GPR39: variants seen among roughly 807,000 people sequenced by gnomAD.
GPR39 encodes the protein zinc sensing receptor.
Under a neutral mutation model 18.4 loss-of-function variants are expected in GPR39, and 23 were observed. The observed-to-expected ratio is 1.25, with a 90% CI of 0.90 to 1.77. GPR39 has a LOEUF of 1.77. Ranked by LOEUF, GPR39 falls within the 40% of genes most tolerant of loss-of-function variation. The probability of loss-of-function intolerance (pLI) is 0.00; values close to 1 mark genes in which losing one functional copy is unlikely to be tolerated. For missense variants in GPR39, 647 were observed against 602.4 expected (o/e 1.07, Z -0.78); for synonymous variants, 280 against 257.9 (o/e 1.09, Z -0.82).
chr2:132,622,624 G>A (rs376139422), intron 1 of GPR39, among the ~76,000 whole-genome samples: 6 of 152,330 alleles, frequency 3.9e-5, no homozygotes, highest in East Asian at 1.9e-4. Flanking sequence ...TGGATACCGC[G>A]AAGCAGAAGC....
rs768106037 is a variant in GPR39, at chr2:132,417,105, C to T, written c.63C>T (p.Pro21=). ...CSQIIDHSHV[P]EFEVATWIKI... is the part of the protein sequence containing the mutation. ...AAATCATTGATCACAGTCATGTCCC[C>T]GAGTTTGAGGTGGCCACCTGGATCA... The change falls in exon 1 of 2, where the codon CCC becomes CCT. Residue 21 remains proline, a synonymous_variant. Coordinates refer to ENST00000329321, the MANE Select transcript of GPR39 (RefSeq NM_001508.3). 51 of 1,614,010 alleles carry T rather than the reference C, an allele frequency of 3.2e-5. No homozygotes were observed. Among genetic ancestry groups the T allele is most frequent in the Admixed American group, 6.7e-5 (4 of 59,996 alleles).
chr2:132,641,635 C>T (rs1468671415), intron 1 of GPR39, among the ~76,000 whole-genome samples: 4 of 152,150 alleles, frequency 2.6e-5, no homozygotes, highest in Non-Finnish European at 5.9e-5. Context: ...ATATTGATTG[C>T]ATGTTGAAAT....
chr2:132,580,163 T>C (rs1178614196), intron 1 of GPR39, among the ~76,000 whole-genome samples: 1 of 152,256 alleles, frequency 6.6e-6, no homozygotes, highest in East Asian at 1.9e-4. Context: ...AAGTCTCTAA[T>C]AGTTTCTTCA....
chr2:132,580,577 TC>T lies in GPR39; in HGVS notation c.857-64522del, dbSNP rs202114243. Among the ~76,000 whole-genome samples the T allele has an allele frequency of 9.6e-3, 1,457 of 152,316 alleles. 19 individuals carry two copies. Among genetic ancestry groups the T allele is most frequent in the Non-Finnish European group, 0.016 (1,116 of 68,016 alleles). ...GTGTGTACCTTACTTATGGAGAGGT[TC>T]CACCATATCCCAAGCCAGGTATTAG... On this transcript the variant is annotated intron_variant, in intron 1 of 1. Coordinates refer to ENST00000329321, the MANE Select transcript of GPR39 (RefSeq NM_001508.3).
intron 1 of GPR39, among the ~76,000 whole-genome samples, chr2:132,478,073 A>G (rs1162838702): frequency 6.6e-6 from 1 of 152,210 alleles, no homozygotes; most frequent in Non-Finnish European, 1.5e-5. Flanking sequence ...ATCACCAACT[A>G]TTTGAAATCT....
rs578179957 is a variant in GPR39, at chr2:132,522,154, G to C, written c.856+104256G>C. Among the ~76,000 whole-genome samples, 3 of 152,246 alleles carry C rather than the reference G, an allele frequency of 2.0e-5. No individual in the cohort carries two copies. In the East Asian group the frequency reaches 5.8e-4, roughly 29 times the overall value. Reference sequence around the variant, plus strand: ...TGTCAAAGGCCATCCTTAGCCTTCCGGTCAGCCCCACGTTGTGATATAAAT... The same window carrying C: ...TGTCAAAGGCCATCCTTAGCCTTCCCGTCAGCCCCACGTTGTGATATAAAT... On this transcript the variant is annotated intron_variant, in intron 1 of 1. Coordinates refer to ENST00000329321, the MANE Select transcript of GPR39 (RefSeq NM_001508.3).
chr2:132,551,157 G>A (rs1020944070), intron 1 of GPR39, among the ~76,000 whole-genome samples: 3 of 152,176 alleles, frequency 2.0e-5, no homozygotes, highest in Non-Finnish European at 2.9e-5. Context: ...TAGAGTTGAT[G>A]TCTGATTATC....
At chr2:132,611,584 A>G (rs1681240882) in intron 1 of GPR39, among the ~76,000 whole-genome samples, 1 of 152,204 alleles carries the variant, frequency 6.6e-6, no homozygotes, top group East Asian at 1.9e-4. Context: ...TTCTTCTAGG[A>G]AACTGCTCCA....
At chr2:132,427,310 C>T (rs2104756570) in intron 1 of GPR39, among the ~76,000 whole-genome samples, 2 of 148,356 alleles carry the variant, frequency 1.3e-5, no homozygotes, top group Non-Finnish European at 3.0e-5. Context: ...ACTACAGGCG[C>T]CTGCCACCAC....
intron 1 of GPR39, among the ~76,000 whole-genome samples, chr2:132,583,885 C>G (rs1220984311): frequency 6.6e-6 from 1 of 152,014 alleles, no homozygotes; most frequent in African/African-American, 2.4e-5. Flanking sequence ...TCCAGGTACA[C>G]AGCCCAGGAT....
At chr2:132,456,052 TTGA>T (rs1177904125) in intron 1 of GPR39, among the ~76,000 whole-genome samples, 5 of 152,204 alleles carry the variant, frequency 3.3e-5, no homozygotes, top group Non-Finnish European at 7.3e-5. Flanking sequence ...TTCTGTCTCA[TTGA>T]TCTGTCTAAT....
intron 1 of GPR39, among the ~76,000 whole-genome samples, chr2:132,524,105 G>A (rs1679468752): frequency 6.6e-6 from 1 of 152,212 alleles, no homozygotes; most frequent in South Asian, 2.1e-4. Context: ...TCAAGTTTGA[G>A]AACCACCATT....
chr2:132,616,790 G>A (rs570375568), intron 1 of GPR39, among the ~76,000 whole-genome samples: 1 of 152,154 alleles, frequency 6.6e-6, no homozygotes, highest in Non-Finnish European at 1.5e-5. Context: ...CACTTTCCCA[G>A]AGAATTCTGT....
chr2:132,588,696 G>C (rs1299959838), intron 1 of GPR39, among the ~76,000 whole-genome samples: 1 of 152,190 alleles, frequency 6.6e-6, no homozygotes, highest in East Asian at 1.9e-4. Context: ...GAATGTTCCA[G>C]TGAACAAGGA....
In GPR39 at chr2:132,430,111, G is replaced by A. The variant is rs543707780; in HGVS notation, c.856+12213G>A. On this transcript the variant is annotated intron_variant, in intron 1 of 1. Transcript: ENST00000329321. The stretch of plus-strand genomic sequence containing the variant: ...TGTGTTGCTGGCAGAGAGAGGCAGT[G>A]TGAGGGGCACAGGTGTGGAAGTGAT... Among the ~76,000 whole-genome samples the A allele has an allele frequency of 3.9e-5, 6 of 152,378 alleles. No homozygotes were observed. The South Asian group carries it at 6.2e-4, about 16-fold the overall frequency.
intron 1 of GPR39, among the ~76,000 whole-genome samples, chr2:132,552,637 T>C (rs367790904): frequency 4.6e-5 from 7 of 152,072 alleles, no homozygotes. Flanking sequence ...GTGTATGTTA[T>C]ATGCAAATGC....
At chr2:132,450,793 A>G (rs898349802) in intron 1 of GPR39, among the ~76,000 whole-genome samples, 15 of 152,214 alleles carry the variant, frequency 9.9e-5, no homozygotes, top group Admixed American at 5.2e-4. Flanking sequence ...TTTCCTTTGA[A>G]TCGGTGTCTC....
In GPR39 at chr2:132,574,718, G is replaced by C. The variant is rs142121278; in HGVS notation, c.857-70383G>C. ...CCACTGCACTCTAGTCTGGGTGACA[G>C]AGTGAGACTTTGTCGCTAAATGAAT... On this transcript the variant is annotated intron_variant, in intron 1 of 1. Transcript: ENST00000329321. 8.5e-4 allele frequency among the ~76,000 whole-genome samples: 130 copies of C among 152,364 alleles called. 3 individuals are homozygous for C. In the East Asian group the frequency reaches 0.02, roughly 24 times the overall value.
In GPR39 at chr2:132,645,455, G is replaced by A. The variant is rs779259145; in HGVS notation, c.1211G>A (p.Arg404Lys). 1.9e-6 allele frequency: 3 copies of A among 1,613,838 alleles called. No individual in the cohort carries two copies. In the Admixed American group the frequency reaches 5.0e-5, roughly 27 times the overall value. The change falls in exon 2 of 2, where the codon AGA becomes AAA. Residue 404 changes from arginine (R) to lysine (K), a missense_variant. This residue lies in a region of GPR39 where 581 missense variants were observed against 506.8 expected (regional missense o/e 1.15). Coordinates refer to ENST00000329321, the MANE Select transcript of GPR39 (RefSeq NM_001508.3). Reference sequence around the variant, plus strand: ...TCCCGGCGCCAGTCCTCTGCAAGGAGAACTGAGAAGATTTTCTTAAGCACT... The same window carrying A: ...TCCCGGCGCCAGTCCTCTGCAAGGAAAACTGAGAAGATTTTCTTAAGCACT... ...FASRRQSSAR[R>K]TEKIFLSTFQ...
Sources: allele counts gnomAD v4.1 joint callset (sites outside exome capture counted in the v4.1 genomes callset), GRCh38; gene constraint gnomAD v4.1.1; regional missense constraint gnomAD v4.1.1; transcripts MANE v1.5; gene names NCBI Gene and HGNC (gene_info 2026-07-23, HGNC 2026-07-21).